SORCS3: variants seen among roughly 807,000 people sequenced by gnomAD.
SORCS3 encodes VPS10 domain-containing receptor SorCS3.
In SORCS3, 57 loss-of-function variants were observed where a neutral mutation model predicts 146.3. The observed-to-expected ratio is 0.39, with a 90% confidence interval of 0.31 to 0.49. SORCS3 has a LOEUF of 0.49. Among genes scored for constraint, SORCS3 ranks in the 20% least tolerant of loss-of-function variants. The pLI, the probability that SORCS3 is intolerant of heterozygous loss-of-function variation, is 0.92. For missense variants in SORCS3, 1,341 were observed against 1,575.5 expected (o/e 0.85, Z 2.52); for synonymous variants, 653 against 618.5 (o/e 1.06, Z -0.83).
intron 1 of SORCS3, among the ~76,000 whole-genome samples, chr10:104,778,571 C>G (rs117267483): frequency 0.018 from 2,814 of 152,324 alleles, 46 homozygotes; most frequent in Non-Finnish European, 0.027. Context: ...TGCATCAAAG[C>G]ACCAGCTCAG....
At chr10:105,012,959 G>T (rs546738903) in intron 4 of SORCS3, among the ~76,000 whole-genome samples, 1 of 152,170 alleles carries the variant, frequency 6.6e-6, no homozygotes, top group African/African-American at 2.4e-5. Flanking sequence ...TAATGTGAAG[G>T]TTGAATGAGA....
chr10:105,211,379 A>G (rs2056632816), intron 17 of SORCS3, 129 bp downstream of exon 17: 1 of 677,986 alleles, frequency 1.5e-6, no homozygotes, highest in African/African-American at 1.8e-5. Flanking sequence ...ATGGCATTTG[A>G]AGGGAAGTGA....
At chr10:104,773,256 T>C (rs1215274031) in intron 1 of SORCS3, among the ~76,000 whole-genome samples, 1 of 152,126 alleles carries the variant, frequency 6.6e-6, no homozygotes, top group Non-Finnish European at 1.5e-5. Context: ...CTAGCATGTG[T>C]GTTAATCTTT....
chr10:105,205,666 A>G (rs1454831465), intron 16 of SORCS3, among the ~76,000 whole-genome samples: 1 of 152,166 alleles, frequency 6.6e-6, no homozygotes, highest in Non-Finnish European at 1.5e-5. Context: ...ACGAGGTTGA[A>G]CCAGAGATTA....
At position 105,211,203 on chromosome 10, in the gene SORCS3, C is replaced by G; in HGVS notation, c.2328C>G (p.Ser776=). The change falls in exon 17 of 27, where the codon TCC becomes TCG. Residue 776 remains serine (S), a synonymous_variant. Coordinates refer to ENST00000369701, the MANE Select transcript of SORCS3 (RefSeq NM_014978.3). ...CAGCTTTCTGGTACAATCCAGCATC[C>G]CCATCAAAGGACTGCAGCCTTGGTC... The part of the protein sequence containing the change: ...CVPAFWYNPA[S]PSKDCSLGQS... 1 of 1,614,066 alleles carries G rather than the reference C, an allele frequency of 6.2e-7. No individual in the cohort carries two copies. Among genetic ancestry groups the G allele is most frequent in the Non-Finnish European group, 8.5e-7 (1 of 1,179,966 alleles).
At chr10:105,204,691 G>C (rs1028498687) in intron 16 of SORCS3, among the ~76,000 whole-genome samples, 2 of 135,334 alleles carry the variant, frequency 1.5e-5, no homozygotes, top group African/African-American at 5.4e-5. Context: ...CATAATCTCA[G>C]AACACAAACA....
intron 5 of SORCS3, among the ~76,000 whole-genome samples, chr10:105,076,340 A>AAATCTCCAC (rs1320042731): frequency 2.3e-4 from 35 of 152,322 alleles, no homozygotes; most frequent in African/African-American, 7.7e-4. Context: ...TGTGTAAGTG[A>AAATCTCCAC]AATCTCCACA....
chr10:104,873,085 T>A (rs1368166712), intron 2 of SORCS3, among the ~76,000 whole-genome samples: 6 of 152,212 alleles, frequency 3.9e-5, no homozygotes, highest in African/African-American at 1.4e-4. Flanking sequence ...TCTTTGCCCT[T>A]TCTGCAGCAG....
intron 20 of SORCS3, among the ~76,000 whole-genome samples, chr10:105,224,406 G>A (rs555067430): frequency 1.3e-4 from 20 of 152,026 alleles, no homozygotes; most frequent in Admixed American, 3.9e-4. Context: ...ATGTCTTTTC[G>A]TGTCTTGATA....
intron 2 of SORCS3, among the ~76,000 whole-genome samples, chr10:104,909,215 C>CA (rs34730617): frequency 6.6e-6 from 1 of 151,976 alleles, no homozygotes; most frequent in African/African-American, 2.4e-5. Context: ...CCACAAAACC[C>CA]AAAATATTTA....
chr10:105,003,998 C>CTTTTTTTTTTTTTTTTTTTTTTTTTTT (rs35604992), intron 4 of SORCS3, among the ~76,000 whole-genome samples: 25 of 136,016 alleles, frequency 1.8e-4, no homozygotes, highest in Middle Eastern at 4.1e-3. Context: ...TCTCTTCTCT[C>CTTTTTTTTTTTTTTTTTTTTTTTTTTT]TCTTTTTTTT....
At chr10:104,945,538 T>A (rs1289428336) in intron 3 of SORCS3, among the ~76,000 whole-genome samples, 2 of 151,358 alleles carry the variant, frequency 1.3e-5, no homozygotes, top group Non-Finnish European at 2.9e-5. Flanking sequence ...GAATTACAGA[T>A]GTGAACCACT....
chr10:104,935,735 C>T (rs952478934), intron 3 of SORCS3, among the ~76,000 whole-genome samples: 1 of 136,154 alleles, frequency 7.3e-6, no homozygotes, highest in Admixed American at 7.4e-5. Context: ...TTGCTGAGGA[C>T]TAATGGTGGG....
At chr10:105,119,969 G>A (rs1387394409) in intron 7 of SORCS3, among the ~76,000 whole-genome samples, 2 of 152,162 alleles carry the variant, frequency 1.3e-5, no homozygotes, top group African/African-American at 4.8e-5. Flanking sequence ...TGAAATGTGA[G>A]GACATGAGAT....
chr10:104,883,621 A>C (rs1310229271), intron 2 of SORCS3, among the ~76,000 whole-genome samples: 1 of 152,202 alleles, frequency 6.6e-6, no homozygotes, highest in African/African-American at 2.4e-5. Context: ...CGCTCAAAGC[A>C]GCTAACTGGG....
Position 105,105,454 on chromosome 10 carries a change from C to T in SORCS3, c.1151C>T (p.Pro384Leu), listed in dbSNP as rs138506167. The T allele has an allele frequency of 6.2e-7, 1 of 1,613,772 alleles. No homozygotes were observed. The highest frequency in any genetic ancestry group is 8.5e-7 in the Non-Finnish European group (1 of 1,179,740). ...QECAETTRSG[P>L]FARSIDISSL... ...TGTGCCGAGACAACTAGAAGTGGGCCTTTTGCCCGCTCCATTGACATCAGT... is the reference window on the plus strand; with the variant it reads ...TGTGCCGAGACAACTAGAAGTGGGCTTTTTGCCCGCTCCATTGACATCAGT... The change falls in exon 7 of 27, where the codon CCT becomes CTT. Residue 384 changes from proline (P) to leucine (L), a missense_variant. Pro to Leu is a moderately conservative substitution (Grantham distance 98). Coordinates refer to ENST00000369701, the MANE Select transcript of SORCS3 (RefSeq NM_014978.3).
intron 1 of SORCS3, among the ~76,000 whole-genome samples, chr10:104,680,719 GTTA>G (rs2133264582): frequency 6.6e-6 from 1 of 152,352 alleles, no homozygotes; most frequent in East Asian, 1.9e-4. Flanking sequence ...GCTGACACGC[GTTA>G]TTATTATTTG....
chr10:104,824,185 T>C (rs1266229768), intron 1 of SORCS3, among the ~76,000 whole-genome samples: 3 of 152,218 alleles, frequency 2.0e-5, no homozygotes, highest in African/African-American at 7.2e-5. Context: ...AAATTCGTGG[T>C]AATCTGTTAC....
intron 14 of SORCS3, among the ~76,000 whole-genome samples, chr10:105,191,193 T>C (rs529073890): frequency 2.6e-5 from 4 of 152,338 alleles, no homozygotes; most frequent in Admixed American, 2.0e-4. Context: ...AAGACACTTA[T>C]GTACATATGC....
Sources: gnomAD v4.1 joint callset for allele counts (sites outside exome capture counted in the v4.1 genomes callset) on GRCh38, gnomAD v4.1.1 for gene constraint, MANE v1.5 for transcripts, NCBI Gene and HGNC (gene_info 2026-07-23, HGNC 2026-07-21) for gene names.